DLGAP2: variants seen among roughly 807,000 people sequenced by gnomAD.
DLGAP2 encodes DLG associated protein 2, also known as disks large-associated protein 2.
DLGAP2 carries 26 observed loss-of-function variants against 100.3 expected under a neutral mutation model. That is an observed-to-expected ratio of 0.26 (90% confidence interval 0.19 to 0.36). The LOEUF (loss-of-function observed/expected upper bound fraction) is 0.36. DLGAP2 is among the 10% of genes least tolerant of loss of function. The pLI is 1.00. For synonymous variants in DLGAP2, 886 were observed against 630.1 expected, an observed-to-expected ratio of 1.41 and a Z score of -6.08; for missense variants, 1,858 against 1,453.2, an observed-to-expected ratio of 1.28 and a Z score of -4.53.
At chr8:1,535,647 G>A (rs953490056) in intron 4 of DLGAP2, among the ~76,000 whole-genome samples, 28 of 152,240 alleles carry the variant, frequency 1.8e-4, no homozygotes, top group Admixed American at 1.8e-3. Context: ...GGCATACTTC[G>A]TGTGCTATTT....
At chr8:770,106 A>G (rs1821319315) in intron 1 of DLGAP2, among the ~76,000 whole-genome samples, 1 of 152,198 alleles carries the variant, frequency 6.6e-6, no homozygotes, top group South Asian at 2.1e-4. Context: ...ATCTTATCAC[A>G]GGTTTTGTAC....
At chr8:1,324,456 C>T (rs1800974922) in intron 3 of DLGAP2, among the ~76,000 whole-genome samples, 2 of 152,200 alleles carry the variant, frequency 1.3e-5, no homozygotes, top group Non-Finnish European at 2.9e-5. Flanking sequence ...TGAAATTCTT[C>T]CACAGCGTTC....
intron 1 of DLGAP2, among the ~76,000 whole-genome samples, chr8:823,129 C>G (rs1174579778): frequency 6.6e-6 from 1 of 152,064 alleles, no homozygotes; most frequent in Non-Finnish European, 1.5e-5. Context: ...CACTTGGTGG[C>G]AGCTTCACAC....
chr8:868,014 C>T (rs534345854), intron 1 of DLGAP2, among the ~76,000 whole-genome samples: 140 of 152,300 alleles, frequency 9.2e-4, no homozygotes, highest in South Asian at 1.9e-3. Context: ...CTTCATCCAT[C>T]ATGCATCCAT....
intron 4 of DLGAP2, among the ~76,000 whole-genome samples, chr8:1,503,011 A>C (rs1799777509): frequency 6.6e-6 from 1 of 151,982 alleles, no homozygotes; most frequent in Non-Finnish European, 1.5e-5. Flanking sequence ...CTGGATTCTG[A>C]CCCTGGACTC....
At chr8:1,411,560 T>A (rs1300906780) in intron 3 of DLGAP2, among the ~76,000 whole-genome samples, 2 of 152,138 alleles carry the variant, frequency 1.3e-5, no homozygotes, top group Non-Finnish European at 2.9e-5. Context: ...TTGGGCAGAT[T>A]AAACGAGGTA....
chr8:1,448,159 G>A (rs1436922310), intron 3 of DLGAP2, among the ~76,000 whole-genome samples: 1 of 152,106 alleles, frequency 6.6e-6, no homozygotes, highest in African/African-American at 2.4e-5. Flanking sequence ...TGCTTTTCTA[G>A]TTGTTTTAAT....
At chr8:1,292,645 A>T (rs1041577038) in intron 3 of DLGAP2, among the ~76,000 whole-genome samples, 2 of 152,228 alleles carry the variant, frequency 1.3e-5, no homozygotes, top group African/African-American at 4.8e-5. Flanking sequence ...CTGTTACCCA[A>T]TGTAACGGCC....
At chr8:1,593,411 C>T (rs1796349968) in intron 6 of DLGAP2, among the ~76,000 whole-genome samples, 1 of 151,894 alleles carries the variant, frequency 6.6e-6, no homozygotes, top group Non-Finnish European at 1.5e-5. Flanking sequence ...GCCGAGATCG[C>T]GCCACTGCAC....
intron 1 of DLGAP2, among the ~76,000 whole-genome samples, chr8:834,759 G>A (rs1462076215): frequency 6.6e-6 from 1 of 152,138 alleles, no homozygotes; most frequent in Non-Finnish European, 1.5e-5. Flanking sequence ...TGGGTACTAT[G>A]CTTAGTACCT....
intron 2 of DLGAP2, among the ~76,000 whole-genome samples, chr8:1,085,592 G>A (rs531199475): frequency 2.3e-4 from 35 of 152,150 alleles, no homozygotes; most frequent in Non-Finnish European, 3.7e-4. Context: ...GTGTGGGTTC[G>A]TTTCTGGGCT....
At position 1,388,661 on chromosome 8, in the gene DLGAP2, C is replaced by T. The variant is rs112565131; in HGVS notation, c.107-112705C>T. ...TGTCAGGGCTGTGAGAGGCAGACGC[C>T]GTGGAAGAGGAGGCGCTGGTTCAGG... On this transcript the variant is annotated intron_variant, in intron 3 of 14. Coordinates refer to ENST00000637795, the MANE Select transcript of DLGAP2 (RefSeq NM_001346810.2). 3.7e-5 allele frequency among the ~76,000 whole-genome samples: 3 copies of T among 80,396 alleles called. 1 individual carries two copies. Among genetic ancestry groups the T allele is most frequent in the Non-Finnish European group, 8.2e-5 (3 of 36,736 alleles). The allele number at this position is 80,396 out of a possible 152,430, so 52.7% of individuals were successfully genotyped here. A position where few individuals can be genotyped will look rare whatever the true frequency, so the allele number is the denominator to read the frequency against.
intron 2 of DLGAP2, among the ~76,000 whole-genome samples, chr8:983,623 G>A (rs1277280780): frequency 9.9e-5 from 15 of 152,158 alleles, no homozygotes; most frequent in Non-Finnish European, 1.5e-5. Context: ...AAAAGAGGTA[G>A]CATTTATTTT....
At chr8:746,121 C>G (rs974938835) in intron 1 of DLGAP2, among the ~76,000 whole-genome samples, 7 of 152,248 alleles carry the variant, frequency 4.6e-5, no homozygotes, top group Non-Finnish European at 2.9e-5. Flanking sequence ...TGCGTCGCTG[C>G]TTTCCTCCAA....
At chr8:1,276,544 G>T (rs775783039) in intron 3 of DLGAP2, among the ~76,000 whole-genome samples, 3 of 152,062 alleles carry the variant, frequency 2.0e-5, no homozygotes, top group Non-Finnish European at 4.4e-5. Flanking sequence ...TACCCTGAAG[G>T]TGTTTCTCTT....
chr8:1,002,075 CT>C (rs1800975630), intron 2 of DLGAP2: 1 of 152,212 alleles, frequency 6.6e-6, no homozygotes, highest in African/African-American at 2.4e-5. Context: ...TGTCTTCCAC[CT>C]GCTTAAATGA....
intron 1 of DLGAP2, among the ~76,000 whole-genome samples, chr8:796,243 G>C (rs765278353): frequency 6.6e-6 from 1 of 152,154 alleles, no homozygotes; most frequent in Non-Finnish European, 1.5e-5. Context: ...TTCACGACCG[G>C]GCTCCCCGGT....
intron 2 of DLGAP2, among the ~76,000 whole-genome samples, chr8:1,049,968 A>G (rs1035326985): frequency 2.0e-5 from 3 of 152,372 alleles, no homozygotes; most frequent in South Asian, 4.1e-4. Context: ...TGTCACACAC[A>G]TGTGCCTACG....
At chr8:751,426 T>A (rs571111362) in intron 1 of DLGAP2, among the ~76,000 whole-genome samples, 1 of 152,354 alleles carries the variant, frequency 6.6e-6, no homozygotes, top group East Asian at 1.9e-4. Context: ...TGTCGCGCCA[T>A]CTGTCCTCAC....
Sources: gnomAD v4.1 joint callset for allele counts (sites outside exome capture counted in the v4.1 genomes callset) on GRCh38, gnomAD v4.1.1 for gene constraint, MANE v1.5 for transcripts, NCBI Gene and HGNC (gene_info 2026-07-23, HGNC 2026-07-21) for gene names.